CSMD1: variants seen among roughly 807,000 people sequenced by gnomAD.
CSMD1 encodes the protein CUB and sushi domain-containing protein 1.
Under a neutral mutation model 417.5 loss-of-function variants are expected in CSMD1, and 213 were observed. The ratio of observed to expected loss-of-function variants is 0.51; its 90% CI spans 0.46 to 0.57. The LOEUF (loss-of-function observed/expected upper bound fraction) is 0.57, where lower values mean the gene tolerates loss of function less well. CSMD1 is among the 20% of genes least tolerant of loss of function. The pLI is 0.00. For synonymous variants in CSMD1, 2,862 were observed against 1,736.8 expected, an observed-to-expected ratio of 1.65 and a Z score of -16.11; for missense variants, 6,923 against 4,529.7, an observed-to-expected ratio of 1.53 and a Z score of -15.17.
rs1200252728 is a variant in CSMD1, at chr8:4,011,105, G to A, written c.611-12995C>T. On this transcript the variant is annotated intron_variant, in intron 4 of 69. Transcript: ENST00000635120. Reference sequence around the variant, plus strand: ...TTTCCATTTCACAAAGAAAATAGAAGCAATGAAAGATAAATTATGTAATCT... The same window carrying A: ...TTTCCATTTCACAAAGAAAATAGAAACAATGAAAGATAAATTATGTAATCT... 2.6e-5 allele frequency among the ~76,000 whole-genome samples: 4 copies of A among 152,174 alleles called. No individual in the cohort carries two copies. The South Asian group carries it at 6.2e-4, about 24-fold the overall frequency.
chr8:4,122,520 C>A (rs576868240), intron 3 of CSMD1, among the ~76,000 whole-genome samples: 54 of 152,218 alleles, frequency 3.5e-4, no homozygotes, highest in Middle Eastern at 6.8e-3. Flanking sequence ...CAGAAAGTAC[C>A]AGCCGCATTT....
chr8:4,907,520 A>C (rs976547661), intron 1 of CSMD1, among the ~76,000 whole-genome samples: 4 of 120,320 alleles, frequency 3.3e-5, no homozygotes, highest in African/African-American at 1.2e-4. Context: ...TAAATGGAAA[A>C]AAAATTTAAA....
chr8:3,096,032 A>G (rs1381665336), intron 47 of CSMD1, among the ~76,000 whole-genome samples: 1 of 152,202 alleles, frequency 6.6e-6, no homozygotes, highest in African/African-American at 2.4e-5. Flanking sequence ...TTCCAGTAAA[A>G]TAATTATTTA....
At chr8:2,984,769 C>A (rs1215969745) in intron 54 of CSMD1, among the ~76,000 whole-genome samples, 1 of 152,232 alleles carries the variant, frequency 6.6e-6, no homozygotes, top group African/African-American at 2.4e-5. Context: ...AGCCCAGCAT[C>A]CCGTGCAAAG....
intron 30 of CSMD1, among the ~76,000 whole-genome samples, chr8:3,206,734 A>G (rs1156328443): frequency 1.3e-5 from 2 of 149,392 alleles, no homozygotes; most frequent in Admixed American, 6.7e-5. Flanking sequence ...GTATGTCTTA[A>G]TTTTCCCCCA....
At chr8:3,076,117 T>C (rs907928406) in intron 49 of CSMD1, among the ~76,000 whole-genome samples, 1 of 152,214 alleles carries the variant, frequency 6.6e-6, no homozygotes, top group Non-Finnish European at 1.5e-5. Flanking sequence ...CTGTATTCTT[T>C]TGCCAGGGCT....
chr8:4,306,478 A>T (rs1798254502), intron 3 of CSMD1, among the ~76,000 whole-genome samples: 1 of 152,244 alleles, frequency 6.6e-6, no homozygotes, highest in South Asian at 2.1e-4. Context: ...TGAATGCCTC[A>T]GCAGGGTGTA....
intron 6 of CSMD1, among the ~76,000 whole-genome samples, chr8:3,735,149 G>A (rs1796467445): frequency 6.6e-6 from 1 of 152,226 alleles, no homozygotes; most frequent in African/African-American, 2.4e-5. Flanking sequence ...TCCTTCAGCT[G>A]ATACATTCCC....
intron 10 of CSMD1, among the ~76,000 whole-genome samples, chr8:3,556,757 G>A (rs1349259586): frequency 6.6e-6 from 1 of 152,006 alleles, no homozygotes; most frequent in Admixed American, 6.5e-5. Context: ...TAGCTTTCAA[G>A]CCTAGCTGCT....
At chr8:4,452,985 G>A (rs1563190931) in intron 2 of CSMD1, among the ~76,000 whole-genome samples, 1 of 152,140 alleles carries the variant, frequency 6.6e-6, no homozygotes, top group African/African-American at 2.4e-5. Flanking sequence ...TGGAGTTGCA[G>A]AGACTGTTTC....
chr8:4,118,456 G>T (rs1802287715), intron 3 of CSMD1, among the ~76,000 whole-genome samples: 1 of 142,664 alleles, frequency 7.0e-6, no homozygotes, highest in Non-Finnish European at 1.5e-5. Flanking sequence ...CTTCTCAAAA[G>T]AAGACATTTA....
intron 26 of CSMD1, among the ~76,000 whole-genome samples, chr8:3,243,409 C>G (rs1254826382): frequency 6.7e-6 from 1 of 148,770 alleles, no homozygotes; most frequent in Non-Finnish European, 1.5e-5. Flanking sequence ...TGGGCTGAGT[C>G]CGAAAAGAGA....
chr8:3,344,703 C>G (rs978258703), intron 22 of CSMD1, among the ~76,000 whole-genome samples: 2 of 152,210 alleles, frequency 1.3e-5, no homozygotes, highest in Admixed American at 6.5e-5. Context: ...TTCCCCACTT[C>G]TTTCCTCTTT....
chr8:4,847,274 C>G (rs144473287), intron 1 of CSMD1, among the ~76,000 whole-genome samples: 104 of 152,262 alleles, frequency 6.8e-4, no homozygotes, highest in Non-Finnish European at 1.2e-3. Flanking sequence ...ACTTTAGAAT[C>G]TCAAAGAAGA....
chr8:4,079,688 G>A (rs1800020737), intron 3 of CSMD1, among the ~76,000 whole-genome samples: 1 of 152,180 alleles, frequency 6.6e-6, no homozygotes, highest in Admixed American at 6.5e-5. Context: ...ATTTATTCCT[G>A]TAGTAAACTT....
At chr8:4,968,239 T>G (rs1810008761) in intron 1 of CSMD1, among the ~76,000 whole-genome samples, 1 of 142,730 alleles carries the variant, frequency 7.0e-6, no homozygotes, top group Admixed American at 6.9e-5. Context: ...TTTTAAAAAT[T>G]CAATTTATAT....
chr8:3,063,224 G>T (rs1324419243), intron 49 of CSMD1, among the ~76,000 whole-genome samples: 2 of 152,136 alleles, frequency 1.3e-5, no homozygotes, highest in African/African-American at 4.8e-5. Context: ...GCATACTCTG[G>T]TAAACTAGTC....
chr8:4,340,389 G>A (rs185935514), intron 3 of CSMD1, among the ~76,000 whole-genome samples: 1 of 152,058 alleles, frequency 6.6e-6, no homozygotes, highest in Non-Finnish European at 1.5e-5. Context: ...TAACACTCTT[G>A]ACATGAGTTT....
chr8:3,772,819 C>T (rs970404874), intron 5 of CSMD1, among the ~76,000 whole-genome samples: 2 of 151,810 alleles, frequency 1.3e-5, no homozygotes, highest in African/African-American at 4.8e-5. Flanking sequence ...TGTGTTTAAG[C>T]CATCTTACAG....
Sources: allele counts gnomAD v4.1 joint callset (sites outside exome capture counted in the v4.1 genomes callset), GRCh38; gene constraint gnomAD v4.1.1; transcripts MANE v1.5; gene names NCBI Gene and HGNC (gene_info 2026-07-23, HGNC 2026-07-21).